The following TCF7L1 variants were observed in gnomAD, a reference collection of about 807,000 sequenced individuals.
TCF7L1 encodes the protein transcription factor 7-like 1.
In TCF7L1, 18 loss-of-function variants were observed where a neutral mutation model predicts 63.7. The ratio of observed to expected loss-of-function variants is 0.28; its 90% CI spans 0.20 to 0.42. The LOEUF (loss-of-function observed/expected upper bound fraction) is 0.42, where lower values mean the gene tolerates loss of function less well. Among genes scored for constraint, TCF7L1 ranks in the 10% least tolerant of loss-of-function variants. The pLI, the probability that TCF7L1 is intolerant of heterozygous loss-of-function variation, is 1.00. For missense variants in TCF7L1, 654 were observed against 779.3 expected (o/e 0.84, Z 1.91); for synonymous variants, 355 against 340.9 (o/e 1.04, Z -0.46).
chr2:85,302,598 G>C lies in TCF7L1; in HGVS notation c.640G>C (p.Glu214Gln), dbSNP rs753472300. The C allele has an allele frequency of 2.1e-5, 15 of 718,388 alleles. No individual in the cohort carries two copies. In the East Asian group the frequency reaches 4.8e-4, roughly 23 times the overall value. 44.5% of individuals were successfully genotyped at this position (718,388 alleles called of 1,614,324 possible). Residue 214 changes from glutamate (E) to glutamine (Q), a missense_variant, in exon 5 of 12, where the codon GAG becomes CAG. Transcript: ENST00000282111. ...CTCCCCTCCCACCCACCTCTCCCCA[G>C]AGATCGATCCAAAGACAGGTAAGTC... Reference protein sequence around the residue: ...PGSPPTHLSPEIDPKTGIPRP... With the variant: ...PGSPPTHLSPQIDPKTGIPRP...
chr2:85,229,097 A>C (rs1680018322), intron 3 of TCF7L1, among the ~76,000 whole-genome samples: 1 of 151,960 alleles, frequency 6.6e-6, no homozygotes, highest in African/African-American at 2.4e-5. Flanking sequence ...CTGTAATCCC[A>C]GCACTTTGGG....
At chr2:85,271,763 C>T (rs62162671) in intron 3 of TCF7L1, among the ~76,000 whole-genome samples, 38,109 of 152,180 alleles carry the variant, frequency 0.25, 5,875 homozygotes, top group Non-Finnish European at 0.35. Flanking sequence ...CTGTACAGAG[C>T]TGTCACTGCA....
chr2:85,224,035 G>C (rs1679903694), intron 3 of TCF7L1, among the ~76,000 whole-genome samples: 2 of 152,196 alleles, frequency 1.3e-5, no homozygotes, highest in Non-Finnish European at 2.9e-5. Flanking sequence ...AGGACATGCA[G>C]TGTTTGGTTT....
At chr2:85,289,348 C>A (rs1043500543) in intron 4 of TCF7L1, among the ~76,000 whole-genome samples, 2 of 152,066 alleles carry the variant, frequency 1.3e-5, no homozygotes, top group Non-Finnish European at 2.9e-5. Context: ...GGGCCAGAGA[C>A]CCAGAGACCA....
intron 3 of TCF7L1, among the ~76,000 whole-genome samples, chr2:85,198,219 A>T (rs2104274153): frequency 6.6e-6 from 1 of 152,372 alleles, no homozygotes; most frequent in South Asian, 2.1e-4. Flanking sequence ...AAAAGGCGAC[A>T]TTGTGAAGAA....
intron 3 of TCF7L1, among the ~76,000 whole-genome samples, chr2:85,254,636 T>G (rs1026390785): frequency 3.9e-5 from 6 of 152,222 alleles, no homozygotes; most frequent in Non-Finnish European, 8.8e-5. Flanking sequence ...TGTCCTTAAG[T>G]TTCTTGTATG....
At chr2:85,243,059 C>T (rs1680375532) in intron 3 of TCF7L1, among the ~76,000 whole-genome samples, 1 of 152,166 alleles carries the variant, frequency 6.6e-6, no homozygotes, top group Non-Finnish European at 1.5e-5. Context: ...CCTCATATGT[C>T]TTGGTTAACA....
chr2:85,192,524 A>AT (rs200483452), intron 3 of TCF7L1, among the ~76,000 whole-genome samples: 5,622 of 152,080 alleles, frequency 0.037, 147 homozygotes, highest in Middle Eastern at 0.054. Flanking sequence ...GGTAGTTGAG[A>AT]TTACAGGCAT....
intron 3 of TCF7L1, among the ~76,000 whole-genome samples, chr2:85,231,575 C>A (rs1159365873): frequency 6.6e-6 from 1 of 152,200 alleles, no homozygotes; most frequent in East Asian, 1.9e-4. Context: ...CAACTCCACT[C>A]TGGGCCACCG....
intron 3 of TCF7L1, among the ~76,000 whole-genome samples, chr2:85,173,045 A>G (rs1678589694): frequency 6.6e-6 from 1 of 152,240 alleles, no homozygotes; most frequent in Non-Finnish European, 1.5e-5. Context: ...GAACGAATAA[A>G]TGAGTGGCAG....
At chr2:85,274,961 T>C (rs1442429389) in intron 3 of TCF7L1, among the ~76,000 whole-genome samples, 1 of 152,212 alleles carries the variant, frequency 6.6e-6, no homozygotes, top group Non-Finnish European at 1.5e-5. Context: ...ATAATCACTC[T>C]GCCAGGCAGT....
intron 4 of TCF7L1, among the ~76,000 whole-genome samples, chr2:85,290,634 A>G (rs1573028470): frequency 1.3e-5 from 2 of 152,240 alleles, no homozygotes; most frequent in South Asian, 4.1e-4. Flanking sequence ...AGTAAAAATA[A>G]AAAAGATATA....
chr2:85,248,956 C>T (rs906843627), intron 3 of TCF7L1, among the ~76,000 whole-genome samples: 4 of 151,940 alleles, frequency 2.6e-5, no homozygotes, highest in African/African-American at 4.8e-5. Flanking sequence ...TGTGGGTGCT[C>T]CATAAATACT....
rs148450614 is a variant in TCF7L1, at chr2:85,145,582, G to A, written c.441+11132G>A. 5.1e-3 allele frequency among the ~76,000 whole-genome samples: 775 copies of A among 152,362 alleles called. 9 individuals are homozygous for A. Among genetic ancestry groups the A allele is most frequent in the South Asian group, 0.028 (136 of 4,828 alleles). ...ACATACCTTCTAGAGGTGGTTGGGTGTTAGTCCCTGAGATTCTTATCAAGG... is the reference window on the plus strand; with the variant it reads ...ACATACCTTCTAGAGGTGGTTGGGTATTAGTCCCTGAGATTCTTATCAAGG... On this transcript the variant is annotated intron_variant, in intron 3 of 11. Transcript: ENST00000282111.
intron 4 of TCF7L1, among the ~76,000 whole-genome samples, chr2:85,298,588 T>C (rs533491131): frequency 2.0e-5 from 3 of 149,260 alleles, no homozygotes; most frequent in Admixed American, 6.7e-5. Context: ...CAGACTGAAA[T>C]AGACGGGAAA....
chr2:85,167,690 C>A (rs1281851443), intron 3 of TCF7L1, among the ~76,000 whole-genome samples: 1 of 152,068 alleles, frequency 6.6e-6, no homozygotes, highest in African/African-American at 2.4e-5. Context: ...ACAGTGAGAC[C>A]CCGTGTCTAA....
chr2:85,304,937 G>A (rs1483682682), intron 7 of TCF7L1, among the ~76,000 whole-genome samples: 2 of 152,106 alleles, frequency 1.3e-5, no homozygotes, highest in African/African-American at 4.8e-5. Context: ...GAACCTCTGA[G>A]GACAGAGGAA....
intron 3 of TCF7L1, among the ~76,000 whole-genome samples, chr2:85,180,392 G>A (rs1678777596): frequency 6.6e-6 from 1 of 151,932 alleles, no homozygotes; most frequent in African/African-American, 2.4e-5. Flanking sequence ...TTGTTGAACA[G>A]TGTGTGAGCC....
chr2:85,217,417 G>C (rs1679733919), intron 3 of TCF7L1, among the ~76,000 whole-genome samples: 1 of 152,126 alleles, frequency 6.6e-6, no homozygotes, highest in African/African-American at 2.4e-5. Context: ...GTTCAAATGA[G>C]GGAAGACACA....
Sources: gnomAD v4.1 joint callset for allele counts (sites outside exome capture counted in the v4.1 genomes callset) on GRCh38, gnomAD v4.1.1 for gene constraint, MANE v1.5 for transcripts, NCBI Gene and HGNC (gene_info 2026-07-23, HGNC 2026-07-21) for gene names.